XIRP2: variants seen among roughly 807,000 people sequenced by gnomAD.
XIRP2 encodes the protein xin actin binding repeat containing 2, also known as xin actin-binding repeat-containing protein 2.
In XIRP2, 236 loss-of-function variants were observed where a neutral mutation model predicts 277.0. That is an observed-to-expected ratio of 0.85 (90% CI 0.77 to 0.95). XIRP2 has a LOEUF of 0.95. Ranked by LOEUF, XIRP2 falls within the 40% of genes least tolerant of loss-of-function variation. XIRP2 has a pLI of 0.00. For missense variants in XIRP2, 4,640 were observed against 4,157.5 expected, an observed-to-expected ratio of 1.12 and a Z score of -3.19; for synonymous variants, 1,490 against 1,416.5, an observed-to-expected ratio of 1.05 and a Z score of -1.17.
chr2:167,040,984 C>A (rs1353481695), intron 2 of XIRP2, among the ~76,000 whole-genome samples: 1 of 152,196 alleles, frequency 6.6e-6, no homozygotes, highest in Non-Finnish European at 1.5e-5. Flanking sequence ...GCCGCCCTGA[C>A]AAAGTGCATT....
At chr2:166,997,840 G>A (rs1687264340) in intron 2 of XIRP2, among the ~76,000 whole-genome samples, 1 of 151,764 alleles carries the variant, frequency 6.6e-6, no homozygotes, top group Non-Finnish European at 1.5e-5. Context: ...GGGAGGCAGA[G>A]CTTGCAGTGA....
intron 2 of XIRP2, among the ~76,000 whole-genome samples, chr2:167,087,013 G>T (rs898600695): frequency 2.2e-4 from 34 of 151,660 alleles, no homozygotes; most frequent in African/African-American, 7.7e-4. Context: ...GAGGAGGAGA[G>T]GCGCTCTGCG....
intron 3 of XIRP2, among the ~76,000 whole-genome samples, chr2:167,202,653 G>A (rs551520724): frequency 6.6e-6 from 1 of 152,326 alleles, no homozygotes; most frequent in Admixed American, 6.5e-5. Flanking sequence ...GCCTTTAAAA[G>A]TATCCAGTAT....
intron 3 of XIRP2, chr2:167,140,952 T>C (rs906662956): frequency 6.6e-6 from 1 of 152,156 alleles, no homozygotes; most frequent in Admixed American, 6.5e-5. Flanking sequence ...GCTGGGAGTT[T>C]GCTATTCTGA....
chr2:167,185,883 A>G (rs1368521757), intron 3 of XIRP2, among the ~76,000 whole-genome samples: 3 of 152,186 alleles, frequency 2.0e-5, no homozygotes, highest in African/African-American at 7.2e-5. Context: ...GCTTAGTCCC[A>G]TTTAGTCACA....
At chr2:167,183,869 T>C (rs1693085893) in intron 3 of XIRP2, among the ~76,000 whole-genome samples, 1 of 152,164 alleles carries the variant, frequency 6.6e-6, no homozygotes, top group Non-Finnish European at 1.5e-5. Context: ...GTCAGAGATA[T>C]TAAATCTTTC....
At chr2:167,078,734 G>A (rs926310686) in intron 2 of XIRP2, among the ~76,000 whole-genome samples, 1 of 151,982 alleles carries the variant, frequency 6.6e-6, no homozygotes, top group African/African-American at 2.4e-5. Context: ...CTACTTGGGA[G>A]GCTGAGGCAG....
chr2:167,019,641 T>C (rs1199175755), intron 2 of XIRP2, among the ~76,000 whole-genome samples: 1 of 152,108 alleles, frequency 6.6e-6, no homozygotes, highest in Non-Finnish European at 1.5e-5. Flanking sequence ...TTGCAGTGTT[T>C]GCATTCATTG....
At chr2:167,096,950 G>A (rs937122719) in intron 2 of XIRP2, among the ~76,000 whole-genome samples, 1 of 152,182 alleles carries the variant, frequency 6.6e-6, no homozygotes, top group Non-Finnish European at 1.5e-5. Context: ...TTGCCGAGGA[G>A]TGTTTTACTT....
chr2:167,241,245 A>C (rs1351172669), intron 7 of XIRP2, among the ~76,000 whole-genome samples: 1 of 151,602 alleles, frequency 6.6e-6, no homozygotes, highest in Non-Finnish European at 1.5e-5. Context: ...TAAAAAAAAA[A>C]CATTTAAGCC....
intron 2 of XIRP2, among the ~76,000 whole-genome samples, chr2:167,051,442 A>C (rs1688912281): frequency 6.6e-6 from 1 of 152,144 alleles, no homozygotes; most frequent in Non-Finnish European, 1.5e-5. Flanking sequence ...ATGATAAATT[A>C]TTTTATTGTA....
At chr2:167,077,031 T>C (rs1183324078) in intron 2 of XIRP2, among the ~76,000 whole-genome samples, 2 of 152,018 alleles carry the variant, frequency 1.3e-5, no homozygotes, top group Admixed American at 6.6e-5. Flanking sequence ...TTGTTTGTTT[T>C]TGTAGAGATG....
At chr2:166,952,756 C>A (rs1196499532) in intron 2 of XIRP2, among the ~76,000 whole-genome samples, 1 of 151,700 alleles carries the variant, frequency 6.6e-6, no homozygotes, top group Non-Finnish European at 1.5e-5. Context: ...TTCTAAAAGT[C>A]TCATTTCAAA....
chr2:166,893,407 A>G (rs1170041085), intron 1 of XIRP2, among the ~76,000 whole-genome samples: 1 of 152,140 alleles, frequency 6.6e-6, no homozygotes, highest in Non-Finnish European at 1.5e-5. Context: ...ACATATGCAT[A>G]TATTTTGAAG....
chr2:167,172,797 T>G (rs1692733539), intron 3 of XIRP2, among the ~76,000 whole-genome samples: 1 of 152,184 alleles, frequency 6.6e-6, no homozygotes, highest in South Asian at 2.1e-4. Flanking sequence ...GTTAATGCAA[T>G]CATCACAGGG....
At chr2:167,030,367 C>T (rs1229854454) in intron 2 of XIRP2, among the ~76,000 whole-genome samples, 2 of 152,132 alleles carry the variant, frequency 1.3e-5, no homozygotes, top group East Asian at 3.9e-4. Context: ...ATAAATTTCT[C>T]TCTAAACACT....
At chr2:167,073,618 C>T (rs1203279060) in intron 2 of XIRP2, among the ~76,000 whole-genome samples, 2 of 151,886 alleles carry the variant, frequency 1.3e-5, no homozygotes, top group Admixed American at 1.3e-4. Context: ...AAATGTCTAC[C>T]TGTCTAAACC....
Position 167,135,925 on chromosome 2 carries a change from G to C in XIRP2, c.425G>C (p.Arg142Pro). ...EYGGKEVEIE[R>P]SLCSPAFKSH... ...TTGTAACAGGAAGTGGAAATTGAGC[G>C]AAGTTTGTGCTCGCCAGCTTTTAAG... Residue 142 changes from arginine to proline, a missense_variant, in exon 3 of 11, where the codon CGA (arginine) becomes CCA (proline). Transcript: ENST00000409195. 2 of 1,600,426 alleles carry C rather than the reference G, an allele frequency of 1.2e-6. No individual in the cohort carries two copies. Among genetic ancestry groups the C allele is most frequent in the Non-Finnish European group, 1.7e-6 (2 of 1,173,984 alleles).
At chr2:166,924,067 AG>A (rs2105360675) in intron 2 of XIRP2, among the ~76,000 whole-genome samples, 1 of 152,200 alleles carries the variant, frequency 6.6e-6, no homozygotes, top group African/African-American at 2.4e-5. Flanking sequence ...CTAATTAAGG[AG>A]TCTGAACTGA....
Sources: allele counts gnomAD v4.1 joint callset (sites outside exome capture counted in the v4.1 genomes callset), GRCh38; gene constraint gnomAD v4.1.1; transcripts MANE v1.5; gene names NCBI Gene and HGNC (gene_info 2026-07-23, HGNC 2026-07-21).